Variants in BIRC6 observed in about 807,000 individuals in gnomAD.
The protein encoded by BIRC6 is baculoviral IAP repeat containing 6, also known as dual E2 ubiquitin-conjugating enzyme/E3 ubiquitin-protein ligase BIRC6.
BIRC6 carries 98 observed loss-of-function variants against 503.3 expected under a neutral mutation model. The ratio of observed to expected loss-of-function variants is 0.19; its 90% CI spans 0.17 to 0.23. The LOEUF is 0.23. Ranked by LOEUF, BIRC6 falls within the 10% of genes least tolerant of loss-of-function variation. The pLI is 1.00. For missense variants in BIRC6, 5,360 were observed against 5,806.0 expected, an observed-to-expected ratio of 0.92 and a Z score of 2.50; for synonymous variants, 2,240 against 2,078.7, an observed-to-expected ratio of 1.08 and a Z score of -2.11.
At position 32,616,403 on chromosome 2, in the gene BIRC6, C is replaced by CA. The variant is rs533649273; in HGVS notation, c.14395-1315dup. 1.9e-4 allele frequency among the ~76,000 whole-genome samples: 29 copies of CA among 151,512 alleles called. No individual in the cohort carries two copies. The East Asian group carries it at 5.5e-3, about 29-fold the overall frequency. On this transcript the variant is annotated intron_variant, in intron 73 of 73. Transcript: ENST00000421745. ...CAAAACCCCGTCTCTACCAAAAACA[C>CA]AAAAAAATTAACTGGGCATGGTGGT...
At chr2:32,563,087 T>G (rs1222163254) in intron 65 of BIRC6, among the ~76,000 whole-genome samples, 1 of 152,220 alleles carries the variant, frequency 6.6e-6, no homozygotes, top group Non-Finnish European at 1.5e-5. Flanking sequence ...CCATAGAAAC[T>G]TAATCATTTG....
chr2:32,532,580 A>C (rs1464960041), intron 61 of BIRC6, among the ~76,000 whole-genome samples: 1 of 152,156 alleles, frequency 6.6e-6, no homozygotes, highest in African/African-American at 2.4e-5. Context: ...CCCATTTCCA[A>C]ATAAGGTCAT....
chr2:32,515,887 T>C, intron 55 of BIRC6, 117 bp downstream of exon 55: 1 of 960,636 alleles, frequency 1.0e-6, no homozygotes, highest in Non-Finnish European at 1.5e-6. Context: ...GATCTGAATT[T>C]AAGCTATAAA....
At chr2:32,391,901 T>TA in intron 4 of BIRC6, 138 bp from the exon 5 acceptor site, 1 of 575,594 alleles carries the variant, frequency 1.7e-6, no homozygotes, top group Non-Finnish European at 2.9e-6. Context: ...TAGTTTAAAG[T>TA]AAAAAATTGA....
Position 32,481,340 on chromosome 2 carries a change from T to G in BIRC6, c.7429T>G (p.Leu2477Val). The change falls in exon 38 of 74, where the codon TTG becomes GTG. Residue 2477 changes from leucine (L) to valine (V), a missense_variant. Leu to Val is a conservative substitution (Grantham distance 32). Coordinates refer to ENST00000421745, the MANE Select transcript of BIRC6 (RefSeq NM_016252.4). ...TGAAGGTGCACCTCCTCTGTCCTCT[T>G]TGGAAAAAGATAAAGAAATTGACCT... ...DITGAPPLSSLEKDKEIDLEL... is the reference protein window; with the variant it reads ...DITGAPPLSSVEKDKEIDLEL... 6.2e-7 allele frequency: 1 copy of G among 1,608,436 alleles called. No individual in the cohort carries two copies. The highest frequency in any genetic ancestry group is 1.1e-5 in the South Asian group (1 of 90,246).
At position 32,433,539 on chromosome 2, in the gene BIRC6, T is replaced by C; in HGVS notation, c.3249-105T>C. ...CCCATTGAGAAACACTAGATTTTGT[T>C]GGAAGCTGCAAAGCAAAAAGTAGGA... On this transcript the variant is annotated intron_variant, in intron 12 of 73. Coordinates refer to ENST00000421745, the MANE Select transcript of BIRC6 (RefSeq NM_016252.4). 3.1e-6 allele frequency: 3 copies of C among 982,880 alleles called. No individual in the cohort carries two copies. In the South Asian group the frequency reaches 8.0e-5, roughly 26 times the overall value. The allele number at this position is 982,880 out of a possible 1,614,324, so 60.9% of individuals were successfully genotyped here.
At chr2:32,555,461 A>T (rs1038336057) in intron 65 of BIRC6, among the ~76,000 whole-genome samples, 11 of 151,954 alleles carry the variant, frequency 7.2e-5, no homozygotes, top group African/African-American at 2.4e-4. Context: ...CAACACGGTG[A>T]AACCCCGTCT....
intron 57 of BIRC6, among the ~76,000 whole-genome samples, chr2:32,521,629 C>T (rs1178771456): frequency 3.1e-5 from 4 of 129,776 alleles, no homozygotes; most frequent in South Asian, 2.5e-4. Flanking sequence ...CCACCACACT[C>T]GGCTAATTTT....
At chr2:32,529,894 G>T in intron 60 of BIRC6, 70 bp downstream of exon 60, 1 of 950,196 alleles carries the variant, frequency 1.1e-6, no homozygotes. Context: ...TATAGCTAAT[G>T]ACTTAATTGA....
At chr2:32,590,264 T>C (rs2061317043) in intron 66 of BIRC6, among the ~76,000 whole-genome samples, 1 of 152,246 alleles carries the variant, frequency 6.6e-6, no homozygotes, top group South Asian at 2.1e-4. Flanking sequence ...TTGGTAAATG[T>C]AGAAGTTTCA....
chr2:32,418,903 G>A (rs547864779), intron 10 of BIRC6, among the ~76,000 whole-genome samples: 102 of 152,252 alleles, frequency 6.7e-4, no homozygotes, highest in African/African-American at 2.3e-3. Flanking sequence ...AGCTGAGATC[G>A]CGTCACTTCA....
intron 65 of BIRC6, among the ~76,000 whole-genome samples, chr2:32,572,145 G>A (rs200391700): frequency 1.3e-5 from 2 of 152,090 alleles, no homozygotes; most frequent in Admixed American, 6.6e-5. Flanking sequence ...ATGGACTAAC[G>A]TGGTCTGTCT....
chr2:32,545,863 A>AG lies in BIRC6; in HGVS notation c.12810+5dup. 6.2e-7 allele frequency: 1 copy of AG among 1,608,470 alleles called. No homozygotes were observed. Among genetic ancestry groups the AG allele is most frequent in the Middle Eastern group, 1.7e-4 (1 of 6,044 alleles). The stretch of plus-strand genomic sequence containing the variant: ...ACTCTAGCGTGAATCAAACTGAGGT[A>AG]GGTTCACTTTTAATTATTTCAGTTA... On this transcript the variant is annotated splice_donor_region_variant and intron_variant, in intron 63 of 73. Coordinates refer to ENST00000421745, the MANE Select transcript of BIRC6 (RefSeq NM_016252.4).
intron 6 of BIRC6, among the ~76,000 whole-genome samples, chr2:32,399,876 C>T (rs939605959): frequency 1.3e-5 from 2 of 152,084 alleles, no homozygotes; most frequent in African/African-American, 4.8e-5. Flanking sequence ...CAGCCTTGAA[C>T]ACCCAGGCTC....
intron 72 of BIRC6, among the ~76,000 whole-genome samples, chr2:32,610,405 T>A (rs554733907): frequency 2.0e-4 from 30 of 152,304 alleles, no homozygotes; most frequent in African/African-American, 5.3e-4. Context: ...CAAATGTAAA[T>A]CACAGTAATA....
At chr2:32,601,767 C>T (rs2062075467) in intron 70 of BIRC6, among the ~76,000 whole-genome samples, 1 of 152,108 alleles carries the variant, frequency 6.6e-6, no homozygotes, top group Non-Finnish European at 1.5e-5. Context: ...TTAAGTGTCC[C>T]CAGTTCTCTT....
chr2:32,436,045 C>A lies in BIRC6; in HGVS notation c.3500-8C>A. 7.4e-7 allele frequency: 1 copy of A among 1,358,716 alleles called. No individual in the cohort carries two copies. Among genetic ancestry groups the A allele is most frequent in the Non-Finnish European group, 9.7e-7 (1 of 1,034,188 alleles). 84.2% of individuals were successfully genotyped at this position (1,358,716 alleles called of 1,614,324 possible). On this transcript the variant is annotated splice_polypyrimidine_tract_variant and splice_region_variant and intron_variant, in intron 14 of 73. Transcript: ENST00000421745. ...ATTTAAAAGAAAAATATGTATTTTT[C>A]TTTTTAGGTCTTAGATTATGTCCAT...
chr2:32,394,373 T>C (rs913166013), intron 5 of BIRC6, among the ~76,000 whole-genome samples: 2 of 152,282 alleles, frequency 1.3e-5, no homozygotes, highest in Non-Finnish European at 2.9e-5. Context: ...TTTGAAAATA[T>C]ATACATATAT....
At chr2:32,541,641 A>G (rs1276803101) in intron 61 of BIRC6, among the ~76,000 whole-genome samples, 2 of 152,094 alleles carry the variant, frequency 1.3e-5, no homozygotes, top group African/African-American at 4.8e-5. Context: ...ATTTAATTAT[A>G]TGTTTGAGTG....
Sources: allele counts gnomAD v4.1 joint callset (sites outside exome capture counted in the v4.1 genomes callset), GRCh38; gene constraint gnomAD v4.1.1; transcripts MANE v1.5; gene names NCBI Gene and HGNC (gene_info 2026-07-23, HGNC 2026-07-21).